CUBN: variants seen among roughly 807,000 people sequenced by gnomAD.
CUBN encodes 460 kDa receptor.
Under a neutral mutation model 405.3 loss-of-function variants are expected in CUBN, and 282 were observed. The observed-to-expected ratio is 0.70, with a 90% confidence interval of 0.63 to 0.77. The LOEUF is 0.77. CUBN is among the 30% of genes least tolerant of loss of function. The probability of loss-of-function intolerance (pLI) is 0.00; values close to 1 mark genes in which losing one functional copy is unlikely to be tolerated. For missense variants in CUBN, 4,514 were observed against 4,475.2 expected, an observed-to-expected ratio of 1.01 and a Z score of -0.25; for synonymous variants, 1,684 against 1,617.0, an observed-to-expected ratio of 1.04 and a Z score of -0.99.
At chr10:16,901,496 A>G (rs1841368378) in intron 51 of CUBN, 37 bp from the exon 52 acceptor site, 1 of 1,613,132 alleles carries the variant, frequency 6.2e-7, no homozygotes, top group Non-Finnish European at 8.5e-7. Flanking sequence ...ATAAAACAGA[A>G]GTAAAAAAAA....
chr10:16,847,656 C>A (rs1423615976), intron 60 of CUBN, among the ~76,000 whole-genome samples: 1 of 152,142 alleles, frequency 6.6e-6, no homozygotes. Context: ...CTGGCACATA[C>A]CCTTGCCAAC....
chr10:16,947,128 C>T (rs1465673527), intron 36 of CUBN, 107 bp downstream of exon 36: 20 of 1,211,626 alleles, frequency 1.7e-5, no homozygotes, highest in Non-Finnish European at 2.3e-5. Context: ...TGGAAAAATA[C>T]TTCCTAAATT....
chr10:17,075,518 C>G (rs1471544474), intron 17 of CUBN, among the ~76,000 whole-genome samples: 1 of 152,156 alleles, frequency 6.6e-6, no homozygotes, highest in Non-Finnish European at 1.5e-5. Context: ...TATTTCACTT[C>G]TAACACTGTA....
intron 56 of CUBN, among the ~76,000 whole-genome samples, chr10:16,885,340 A>C (rs1840781569): frequency 6.6e-6 from 1 of 152,220 alleles, no homozygotes; most frequent in Non-Finnish European, 1.5e-5. Flanking sequence ...CTTAGAAAAG[A>C]ATCAGTCTTC....
intron 66 of CUBN, among the ~76,000 whole-genome samples, chr10:16,826,906 A>G (rs1838801934): frequency 6.6e-6 from 1 of 152,160 alleles, no homozygotes; most frequent in African/African-American, 2.4e-5. Context: ...ATATAAAGTC[A>G]TGGTATTGTT....
chr10:16,941,568 G>A (rs1436205138), intron 36 of CUBN, among the ~76,000 whole-genome samples: 2 of 152,138 alleles, frequency 1.3e-5, no homozygotes, highest in African/African-American at 2.4e-5. Context: ...AATAGGCTGC[G>A]TGTGGTAGCT....
intron 46 of CUBN, 25 bp from the exon 47 acceptor site, chr10:16,915,197 T>C (rs1383459935): frequency 3.1e-6 from 5 of 1,612,984 alleles, no homozygotes; most frequent in Non-Finnish European, 4.2e-6. Context: ...TAATTAAATA[T>C]ACATGTCCAA....
intron 27 of CUBN, among the ~76,000 whole-genome samples, chr10:17,032,005 C>T (rs1012993086): frequency 3.9e-5 from 6 of 152,094 alleles, no homozygotes; most frequent in African/African-American, 9.7e-5. Context: ...GTCCATGGAT[C>T]GAGTTAGGGA....
At position 17,115,616 on chromosome 10, in the gene CUBN, C is replaced by G. The variant is rs375926086; in HGVS notation, c.594-19G>C. Reference sequence around the variant, plus strand: ...GTGACAACTGTTGGTTACACAAGAGCACAATGTCAGGGCACGCGCTTTGGG... The same window carrying G: ...GTGACAACTGTTGGTTACACAAGAGGACAATGTCAGGGCACGCGCTTTGGG... On this transcript the variant is annotated intron_variant, in intron 6 of 66. Coordinates refer to ENST00000377833, the MANE Select transcript of CUBN (RefSeq NM_001081.4). 2.5e-6 allele frequency: 4 copies of G among 1,613,998 alleles called. No individual in the cohort carries two copies. In the African/African-American group the frequency reaches 4.0e-5, roughly 16 times the overall value.
At chr10:17,077,570 A>G (rs1422441529) in intron 17 of CUBN, among the ~76,000 whole-genome samples, 1 of 152,236 alleles carries the variant, frequency 6.6e-6, no homozygotes, top group Admixed American at 6.5e-5. Context: ...AAGCAATTCA[A>G]ATATGCTGGC....
At chr10:16,966,749 C>T (rs933904522) in intron 31 of CUBN, among the ~76,000 whole-genome samples, 1 of 152,174 alleles carries the variant, frequency 6.6e-6, no homozygotes, top group African/African-American at 2.4e-5. Flanking sequence ...GTGCCAGTCC[C>T]GCTTTGCTAC....
intron 13 of CUBN, among the ~76,000 whole-genome samples, chr10:17,102,515 G>GACCTCAGGCAATGTGCCC (rs1836517062): frequency 6.6e-6 from 1 of 150,448 alleles, no homozygotes; most frequent in Non-Finnish European, 1.5e-5. Flanking sequence ...TTGAATTCCT[G>GACCTCAGGCAATGTGCCC]ACCTCAGGCA....
At chr10:17,041,948 G>T (rs1041078604) in intron 26 of CUBN, among the ~76,000 whole-genome samples, 1 of 152,084 alleles carries the variant, frequency 6.6e-6, no homozygotes, top group African/African-American at 2.4e-5. Context: ...CTAATCCTGG[G>T]TGCCCAGTTC....
chr10:16,826,703 G>A (rs1011319067), intron 66 of CUBN, among the ~76,000 whole-genome samples: 5 of 152,118 alleles, frequency 3.3e-5, no homozygotes, highest in African/African-American at 1.2e-4. Flanking sequence ...AACTTAACGT[G>A]GCATTGGATT....
intron 27 of CUBN, chr10:17,023,495 T>C (rs376122546): frequency 1.2e-4 from 47 of 393,384 alleles, no homozygotes; most frequent in East Asian, 5.1e-4. Context: ...CCCGCGCAAA[T>C]TGACCACCCA....
intron 27 of CUBN, among the ~76,000 whole-genome samples, chr10:17,036,178 C>T (rs1834894573): frequency 6.6e-6 from 1 of 152,132 alleles, no homozygotes; most frequent in Non-Finnish European, 1.5e-5. Context: ...CATGCATTTG[C>T]TGTCGAGCTC....
intron 54 of CUBN, among the ~76,000 whole-genome samples, chr10:16,894,154 C>CA (rs1841113509): frequency 6.6e-6 from 1 of 152,116 alleles, no homozygotes; most frequent in East Asian, 1.9e-4. Context: ...AGAAAATGAA[C>CA]AGACTGGCTA....
Position 17,088,235 on chromosome 10 carries a change from G to A in CUBN, c.1876C>T (p.Leu626Phe). Reference protein sequence around the residue: ...CVWIVVTSPDLLVTFTFGTLS... With the variant: ...CVWIVVTSPDFLVTFTFGTLS... ...GTCCCAAAAGTAAATGTTACCAGGA[G>A]GTCAGGACTAGTTACAACAATCCAG... is the stretch of plus-strand genomic sequence containing the variant. Residue 626 changes from leucine to phenylalanine, a missense_variant, in exon 15 of 67, where the codon CTC (leucine) becomes TTC (phenylalanine). Leu to Phe is a conservative substitution (Grantham distance 22). This residue lies in a region of CUBN where 1,448 missense variants were observed against 1,388.0 expected (regional missense o/e 1.04). Transcript: ENST00000377833. 1.9e-6 allele frequency: 3 copies of A among 1,613,462 alleles called. No homozygotes were observed. The highest frequency in any genetic ancestry group is 8.5e-7 in the Non-Finnish European group (1 of 1,179,460).
At chr10:17,065,140 C>CCCA (rs1835587242) in intron 22 of CUBN, among the ~76,000 whole-genome samples, 5 of 135,276 alleles carry the variant, frequency 3.7e-5, no homozygotes, top group African/African-American at 1.5e-4. Flanking sequence ...CCCCCCCCCC[C>CCCA]CACACACACA....
Sources: allele counts gnomAD v4.1 joint callset (sites outside exome capture counted in the v4.1 genomes callset), GRCh38; gene constraint gnomAD v4.1.1; regional missense constraint gnomAD v4.1.1; transcripts MANE v1.5; gene names NCBI Gene and HGNC (gene_info 2026-07-23, HGNC 2026-07-21).